The following SLC26A4 variants were observed in gnomAD, a reference collection of about 807,000 sequenced individuals.
The protein encoded by SLC26A4 is solute carrier family 26 member 4, also known as pendrin.
A neutral mutation model predicts 90.4 loss-of-function variants in SLC26A4; 93 were observed. The ratio of observed to expected loss-of-function variants is 1.03; its 90% CI spans 0.87 to 1.22. The LOEUF is 1.22. Ranked by LOEUF, SLC26A4 falls within the 50% of genes most tolerant of loss-of-function variation. SLC26A4 has a pLI of 0.00. For synonymous variants in SLC26A4, 393 were observed against 354.6 expected (o/e 1.11, Z -1.22); for missense variants, 1,127 against 946.2 (o/e 1.19, Z -2.51).
In SLC26A4 at chr7:107,715,419, A is replaced by C. The variant is rs727503432; in HGVS notation, c.2320-4A>C. On this transcript the variant is annotated splice_region_variant and splice_polypyrimidine_tract_variant and intron_variant, in intron 20 of 20. Coordinates refer to ENST00000644269, the MANE Select transcript of SLC26A4 (RefSeq NM_000441.2). ...AACACTTTGTTTTCCCCTTGCTTCCACAGGCTATGCGTACACTTGCATCCT... is the reference window on the plus strand; with the variant it reads ...AACACTTTGTTTTCCCCTTGCTTCCCCAGGCTATGCGTACACTTGCATCCT... The C allele has an allele frequency of 5.0e-6, 8 of 1,612,952 alleles. No homozygotes were observed. Among genetic ancestry groups the C allele is most frequent in the Non-Finnish European group, 6.8e-6 (8 of 1,179,062 alleles).
rs1280891844 is a variant in SLC26A4 at position 107,717,380 on chromosome 7, AAAAAAAAAAAG to A, written c.*1936_*1946del. On this transcript the variant is annotated 3_prime_UTR_variant, in exon 21 of 21. Coordinates refer to ENST00000644269, the MANE Select transcript of SLC26A4 (RefSeq NM_000441.2). ...GACTCCGTCTCAAAAAAAAAAAAAA[AAAAAAAAAAAG>A]AGTGAATGTAATAGTCTTGCAGAAA... 3 of 151,870 alleles carry A rather than the reference AAAAAAAAAAAG, an allele frequency of 2.0e-5. No individual in the cohort carries two copies. The highest frequency in any genetic ancestry group is 7.2e-5 in the African/African-American group (3 of 41,452). 9.4% of individuals were successfully genotyped at this position (151,870 alleles called of 1,614,324 possible). A position where few individuals can be genotyped will look rare whatever the true frequency, so the allele number is the denominator to read the frequency against.
At chr7:107,680,400 T>TATTATATAATGTTATATTATTATATA (rs1394399366) in intron 6 of SLC26A4, among the ~76,000 whole-genome samples, 1 of 144,034 alleles carries the variant, frequency 6.9e-6, no homozygotes, top group Non-Finnish European at 1.5e-5. Context: ...TATATAATCT[T>TATTATATAATGTTATATTATTATATA]ATCTTATTAT....
At chr7:107,692,091 T>G in intron 10 of SLC26A4, 1 of 1,288,870 alleles carries the variant, frequency 7.8e-7, no homozygotes, top group Non-Finnish European at 1.0e-6. Flanking sequence ...AGTATGCCCA[T>G]GTAAAGTGAC....
At chr7:107,690,006 G>A in intron 9 of SLC26A4, 118 bp from the exon 10 acceptor site, 3 of 763,984 alleles carry the variant, frequency 3.9e-6, no homozygotes, top group Non-Finnish European at 7.2e-6. Context: ...AATTAAATTG[G>A]ACCACCACGC....
chr7:107,716,669 C>G lies in SLC26A4; in HGVS notation c.*1223C>G, dbSNP rs1377211096. 1 of 152,016 alleles carries G rather than the reference C, an allele frequency of 6.6e-6. No homozygotes were observed. The highest frequency in any genetic ancestry group is 2.4e-5 in the African/African-American group (1 of 41,362). 9.4% of individuals were successfully genotyped at this position (152,016 alleles called of 1,614,324 possible). A position where few individuals can be genotyped will look rare whatever the true frequency, so the allele number is the denominator to read the frequency against. On this transcript the variant is annotated 3_prime_UTR_variant, in exon 21 of 21. Coordinates refer to ENST00000644269, the MANE Select transcript of SLC26A4 (RefSeq NM_000441.2). ...AGGCTTTGATCTTGGGGACTTTTCC[C>G]ATATATTTCACACTGGAGTGAATGA... is the stretch of plus-strand genomic sequence containing the variant.
chr7:107,678,875 G>A (rs902052838), intron 6 of SLC26A4, among the ~76,000 whole-genome samples: 12 of 152,188 alleles, frequency 7.9e-5, no homozygotes, highest in Admixed American at 6.5e-4. Context: ...ATGCAGAGTA[G>A]TAGAGGATTC....
At position 107,674,309 on chromosome 7, in the gene SLC26A4, G is replaced by C; in HGVS notation, c.561G>C (p.Leu187=). The change falls in exon 5 of 21, where the codon CTG becomes CTC. Residue 187 remains leucine (L), a synonymous_variant. Coordinates refer to ENST00000644269, the MANE Select transcript of SLC26A4 (RefSeq NM_000441.2). The stretch of plus-strand genomic sequence containing the variant: ...CAGCTAGAGATACAGCTAGAGTCCT[G>C]ATTGCCAGTGCCCTGACTCTGCTGG... ...DTAARDTARV[L]IASALTLLVG... 6.2e-7 allele frequency: 1 copy of C among 1,613,938 alleles called. No individual in the cohort carries two copies. Among genetic ancestry groups the C allele is most frequent in the Non-Finnish European group, 8.5e-7 (1 of 1,179,852 alleles).
At position 107,715,940 on chromosome 7, in the gene SLC26A4, T is replaced by C. The variant is rs956230808; in HGVS notation, c.*494T>C. On this transcript the variant is annotated 3_prime_UTR_variant, in exon 21 of 21. Coordinates refer to ENST00000644269, the MANE Select transcript of SLC26A4 (RefSeq NM_000441.2). Reference sequence around the variant, plus strand: ...TCAATAAAAGCCTTTGAAAATACTTTGGATAATAAATTGGAGTTTTAAAAA... The same window carrying C: ...TCAATAAAAGCCTTTGAAAATACTTCGGATAATAAATTGGAGTTTTAAAAA... The C allele has an allele frequency of 6.4e-6, 1 of 155,420 alleles. No individual in the cohort carries two copies. The highest frequency in any genetic ancestry group is 1.4e-5 in the Non-Finnish European group (1 of 69,860). The allele number at this position is 155,420 out of a possible 1,614,324, so 9.6% of individuals were successfully genotyped here. A position where few individuals can be genotyped will look rare whatever the true frequency, so the allele number is the denominator to read the frequency against.
intron 3 of SLC26A4, among the ~76,000 whole-genome samples, chr7:107,669,476 C>T (rs1354253653): frequency 6.6e-6 from 1 of 152,168 alleles, no homozygotes; most frequent in Non-Finnish European, 1.5e-5. Flanking sequence ...ATGAAATAGA[C>T]AAGTTGTGCT....
intron 18 of SLC26A4, among the ~76,000 whole-genome samples, chr7:107,706,876 T>C (rs1160865990): frequency 2.0e-5 from 3 of 152,174 alleles, no homozygotes; most frequent in Non-Finnish European, 4.4e-5. Context: ...TTTATGAAAG[T>C]ATGCTTAACA....
intron 6 of SLC26A4, among the ~76,000 whole-genome samples, chr7:107,680,639 C>T (rs960216378): frequency 6.6e-6 from 1 of 151,728 alleles, no homozygotes; most frequent in Non-Finnish European, 1.5e-5. Flanking sequence ...TATTTACATA[C>T]TCAGATACCT....
At chr7:107,695,895 A>G in intron 12 of SLC26A4, 38 bp from the exon 13 acceptor site, 3 of 968,466 alleles carry the variant, frequency 3.1e-6, no homozygotes, top group Non-Finnish European at 5.1e-6. Context: ...TACCTGATAC[A>G]TTAATATAAT....
Position 107,661,397 on chromosome 7 carries a change from C to T in SLC26A4, c.-3-242C>T. The T allele has an allele frequency of 1.7e-6, 1 of 590,882 alleles. No homozygotes were observed. The highest frequency in any genetic ancestry group is 3.0e-6 in the Non-Finnish European group (1 of 330,810). The allele number at this position is 590,882 out of a possible 1,614,324, so 36.6% of individuals were successfully genotyped here. A position where few individuals can be genotyped will look rare whatever the true frequency, so the allele number is the denominator to read the frequency against. On this transcript the variant is annotated intron_variant, in intron 1 of 20. Transcript: ENST00000644269. The surrounding 1 kb of genome is among the most constrained non-coding windows in gnomAD (Gnocchi z 5.1). Reference sequence around the variant, plus strand: ...TACTCGCTTCAAGTTTGGGGAACCCCGGGCAGCGGGTGCAGGCCACGAGAC... The same window carrying T: ...TACTCGCTTCAAGTTTGGGGAACCCTGGGCAGCGGGTGCAGGCCACGAGAC...
At chr7:107,664,424 G>T (rs1790654842) in intron 3 of SLC26A4, among the ~76,000 whole-genome samples, 1 of 152,130 alleles carries the variant, frequency 6.6e-6, no homozygotes, top group Non-Finnish European at 1.5e-5. Flanking sequence ...TAGAGATGGG[G>T]TTTCGCCATG....
chr7:107,683,026 G>A (rs1463240336), intron 6 of SLC26A4, among the ~76,000 whole-genome samples, 176 bp from the exon 7 acceptor site: 1 of 152,050 alleles, frequency 6.6e-6, no homozygotes, highest in Non-Finnish European at 1.5e-5. Context: ...AATGGTCTCT[G>A]TATCAACCAA....
At chr7:107,712,505 TA>T (rs1217383923) in intron 19 of SLC26A4, 33 bp from the exon 20 acceptor site, 1 of 1,079,514 alleles carries the variant, frequency 9.3e-7, no homozygotes, top group African/African-American at 1.5e-5. Flanking sequence ...GGGTTGATGC[TA>T]TTCTATTTCT....
In SLC26A4 at chr7:107,710,645, A is replaced by G. The variant is rs574149781; in HGVS notation, c.2235+446A>G. On this transcript the variant is annotated intron_variant, in intron 19 of 20. Transcript: ENST00000644269. ...TCTTTGAAAAAGAAATTTAAAAATCAAGCCACAAAGAAGCCCAGGGTTAAT... is the reference window on the plus strand; with the variant it reads ...TCTTTGAAAAAGAAATTTAAAAATCGAGCCACAAAGAAGCCCAGGGTTAAT... Among the ~76,000 whole-genome samples the G allele has an allele frequency of 4.2e-3, 633 of 152,332 alleles. 8 individuals carry two copies. The highest frequency in any genetic ancestry group is 4.5e-3 in the Non-Finnish European group (305 of 68,032).
intron 6 of SLC26A4, among the ~76,000 whole-genome samples, chr7:107,681,538 T>C (rs1791229530): frequency 6.6e-6 from 1 of 151,708 alleles, no homozygotes; most frequent in African/African-American, 2.4e-5. Context: ...TTTATCTTCC[T>C]ATAAAATATG....
intron 15 of SLC26A4, 121 bp from the exon 16 acceptor site, chr7:107,700,980 T>C: frequency 1.4e-6 from 1 of 706,356 alleles, no homozygotes; most frequent in African/African-American, 1.8e-5. Flanking sequence ...TTACAATTTC[T>C]TTTTTGGCAG....
Sources: allele counts gnomAD v4.1 joint callset (sites outside exome capture counted in the v4.1 genomes callset), GRCh38; gene constraint gnomAD v4.1.1; non-coding constraint Gnocchi (gnomAD v3.1); transcripts MANE v1.5; gene names NCBI Gene and HGNC (gene_info 2026-07-23, HGNC 2026-07-21).